MYOZ3: variants seen among roughly 807,000 people sequenced by gnomAD.
MYOZ3 encodes the protein myozenin-3.
Under a neutral mutation model 26.5 loss-of-function variants are expected in MYOZ3, and 19 were observed. The ratio of observed to expected loss-of-function variants is 0.72; its 90% CI spans 0.50 to 1.05. The LOEUF is 1.05. Among genes scored for constraint, MYOZ3 ranks in the 50% least tolerant of loss-of-function variants. The pLI, the probability that MYOZ3 is intolerant of heterozygous loss-of-function variation, is 0.00. For missense variants in MYOZ3, 322 were observed against 337.1 expected, an observed-to-expected ratio of 0.96 and a Z score of 0.35; for synonymous variants, 135 against 138.8, an observed-to-expected ratio of 0.97 and a Z score of 0.19.
chr5:150,676,713 G>A lies in MYOZ3; in HGVS notation c.594G>A (p.Pro198=), dbSNP rs754979895. The A allele has an allele frequency of 7.4e-6, 12 of 1,613,670 alleles. No individual in the cohort carries two copies. The highest frequency in any genetic ancestry group is 1.7e-5 in the Admixed American group (1 of 59,976). Residue 198 remains proline (P), a synonymous_variant, in exon 7 of 7, where the codon CCG becomes CCA. Coordinates refer to ENST00000517768, the MANE Select transcript of MYOZ3 (RefSeq NM_001122853.3). ...PNDYRNFNKT[P]VPFGGPLVGG... ...TGCTGCTCTCTTTCTCCAGGACCCC[G>A]GTGCCATTTGGAGGACCCCTCGTGG...
chr5:150,674,712 AATTAAGAAACAGT>A (rs1246482376), intron 6 of MYOZ3, among the ~76,000 whole-genome samples: 1 of 152,212 alleles, frequency 6.6e-6, no homozygotes, highest in African/African-American at 2.4e-5. Flanking sequence ...TTTTTCTTAA[AATTAAGAAACAGT>A]ATTAAGGCCG....
rs147827463 is a variant in MYOZ3 at position 150,662,985 on chromosome 5, G to T, written c.44G>T (p.Gly15Val). 1 of 1,611,990 alleles carries T rather than the reference G, an allele frequency of 6.2e-7. No homozygotes were observed. The highest frequency in any genetic ancestry group is 1.1e-5 in the South Asian group (1 of 90,640). Residue 15 changes from glycine to valine, a missense_variant, in exon 2 of 7, where the codon GGG (glycine) becomes GTG (valine). Transcript: ENST00000517768. ...EQKGPVMAAM[G>V]DLTEPVPTLD... is the part of the protein sequence containing the mutation. ...AAGGGGCCAGTGATGGCTGCCATGG[G>T]GGACCTCACTGAACCAGGTAAGGTG...
At chr5:150,674,369 C>T (rs1475777103) in intron 6 of MYOZ3, among the ~76,000 whole-genome samples, 2 of 152,228 alleles carry the variant, frequency 1.3e-5, no homozygotes, top group Non-Finnish European at 2.9e-5. Context: ...TCTTAGGGAG[C>T]CCTGCATCCA....
At position 150,670,466 on chromosome 5, in the gene MYOZ3, T is replaced by C; in HGVS notation, c.62-18T>C. The stretch of plus-strand genomic sequence containing the variant: ...GGGGGATGGGGTGGTGAGAGCCCGC[T>C]CTGGCCTTTCCTGGCAGTCCCTACG... On this transcript the variant is annotated intron_variant, in intron 2 of 6. Coordinates refer to ENST00000517768, the MANE Select transcript of MYOZ3 (RefSeq NM_001122853.3). 6.3e-7 allele frequency: 1 copy of C among 1,598,398 alleles called. No homozygotes were observed. The highest frequency in any genetic ancestry group is 8.5e-7 in the Non-Finnish European group (1 of 1,171,074).
At chr5:150,665,040 A>G (rs559038380) in intron 2 of MYOZ3, among the ~76,000 whole-genome samples, 1 of 150,384 alleles carries the variant, frequency 6.6e-6, no homozygotes, top group South Asian at 2.1e-4. Context: ...TTCATTTAGC[A>G]GCATTCCATC....
intron 3 of MYOZ3, chr5:150,670,946 C>T (rs1758897157): frequency 5.1e-6 from 1 of 197,918 alleles, no homozygotes; most frequent in Admixed American, 6.1e-5. Context: ...AAATTTGCAG[C>T]AGGCTGGATC....
chr5:150,662,888 C>A, intron 1 of MYOZ3, 53 bp from the exon 2 acceptor site: 2 of 1,519,692 alleles, frequency 1.3e-6, no homozygotes, highest in Non-Finnish European at 1.8e-6. Context: ...GGAAGGAGGT[C>A]TGGGGAGAAA....
intron 2 of MYOZ3, among the ~76,000 whole-genome samples, chr5:150,666,628 A>ATATATATATATATATATATAT (rs1308366694): frequency 1.5e-5 from 2 of 133,158 alleles, no homozygotes; most frequent in African/African-American, 6.0e-5. Flanking sequence ...AAAAAAAAAA[A>ATATATATATATATATATATAT]AAATATATAT....
intron 2 of MYOZ3, among the ~76,000 whole-genome samples, chr5:150,668,259 C>T (rs867123285): frequency 2.6e-5 from 4 of 152,226 alleles, no homozygotes; most frequent in African/African-American, 9.7e-5. Context: ...CACCCAAACA[C>T]TCCATAGAAA....
Position 150,676,707 on chromosome 5 carries a change from G to C in MYOZ3, c.588G>C (p.Lys196Asn). 6.2e-7 allele frequency: 1 copy of C among 1,613,500 alleles called. No individual in the cohort carries two copies. The highest frequency in any genetic ancestry group is 8.5e-7 in the Non-Finnish European group (1 of 1,179,718). Residue 196 changes from lysine (K) to asparagine (N), a missense_variant and splice_region_variant, in exon 7 of 7, where the codon AAG becomes AAC. Transcript: ENST00000517768. Reference sequence around the variant, plus strand: ...CTCTCCTGCTGCTCTCTTTCTCCAGGACCCCGGTGCCATTTGGAGGACCCC... The same window carrying C: ...CTCTCCTGCTGCTCTCTTTCTCCAGCACCCCGGTGCCATTTGGAGGACCCC... ...PSPNDYRNFN[K>N]TPVPFGGPLV...
At chr5:150,666,922 C>T (rs1252268618) in intron 2 of MYOZ3, among the ~76,000 whole-genome samples, 1 of 151,952 alleles carries the variant, frequency 6.6e-6, no homozygotes. Context: ...CCATGCCTGG[C>T]TAATTTTTGT....
intron 2 of MYOZ3, 69 bp downstream of exon 2, chr5:150,663,071 C>A: frequency 1.5e-6 from 2 of 1,333,616 alleles, no homozygotes; most frequent in Admixed American, 2.1e-5. Context: ...TGCACTCACT[C>A]TGGCCTGCTG....
Position 150,671,874 on chromosome 5 carries a change from T to A in MYOZ3, c.390T>A (p.Ala130=). ...PEGAHPAAAP[A]GCVPSPSALA... The stretch of plus-strand genomic sequence containing the variant: ...GCGCCCACCCTGCAGCCGCCCCTGC[T>A]GGGTGCGTCCCCAGCCCCAGCGCCC... Residue 130 remains alanine (A), a synonymous_variant, in exon 5 of 7, where the codon GCT becomes GCA. Coordinates refer to ENST00000517768, the MANE Select transcript of MYOZ3 (RefSeq NM_001122853.3). 1 of 1,587,774 alleles carries A rather than the reference T, an allele frequency of 6.3e-7. No individual in the cohort carries two copies. The highest frequency in any genetic ancestry group is 8.5e-7 in the Non-Finnish European group (1 of 1,170,482).
Position 150,676,912 on chromosome 5 carries a change from C to A in MYOZ3, c.*37C>A. The A allele has an allele frequency of 6.3e-7, 1 of 1,575,018 alleles. No individual in the cohort carries two copies. Among genetic ancestry groups the A allele is most frequent in the South Asian group, 1.1e-5 (1 of 90,266 alleles). On this transcript the variant is annotated 3_prime_UTR_variant, in exon 7 of 7. Coordinates refer to ENST00000517768, the MANE Select transcript of MYOZ3 (RefSeq NM_001122853.3). ...ATCTTCAGTTCCCCAGTCTCGGGGG[C>A]CTGGTAACATCCGGAGCCAAGACTT...
rs534647922 is a variant in MYOZ3 at position 150,676,605 on chromosome 5, C to G, written c.588-102C>G. 6 of 1,006,304 alleles carry G rather than the reference C, an allele frequency of 6.0e-6. No homozygotes were observed. The East Asian group carries it at 1.1e-4, about 18-fold the overall frequency. The allele number at this position is 1,006,304 out of a possible 1,614,324, so 62.3% of individuals were successfully genotyped here. On this transcript the variant is annotated intron_variant, in intron 6 of 6. Transcript: ENST00000517768. Reference sequence around the variant, plus strand: ...CTGTATAGAAGGGAAAACTGAGGCTCAGAGAGCGGCAGGGAGGGGCCCATA... The same window carrying G: ...CTGTATAGAAGGGAAAACTGAGGCTGAGAGAGCGGCAGGGAGGGGCCCATA...
chr5:150,662,391 G>A (rs983619020), intron 1 of MYOZ3, among the ~76,000 whole-genome samples: 8 of 152,148 alleles, frequency 5.3e-5, no homozygotes, highest in Non-Finnish European at 7.3e-5. Flanking sequence ...GGGAGGACGG[G>A]GGATGGTTCT....
At chr5:150,664,214 T>C (rs1758775903) in intron 2 of MYOZ3, among the ~76,000 whole-genome samples, 1 of 152,136 alleles carries the variant, frequency 6.6e-6, no homozygotes, top group African/African-American at 2.4e-5. Context: ...GGCATCCTTT[T>C]AACCTATTTT....
At chr5:150,671,412 A>G (rs1758906947) in intron 3 of MYOZ3, 185 bp from the exon 4 acceptor site, 2 of 628,960 alleles carry the variant, frequency 3.2e-6, no homozygotes, top group Non-Finnish European at 2.8e-6. Context: ...CAATTAACAT[A>G]TATCGAGTAT....
Position 150,661,770 on chromosome 5 carries a change from A to G in MYOZ3, c.-2+343A>G, listed in dbSNP as rs568048525. Among the ~76,000 whole-genome samples, 4 of 152,320 alleles carry G rather than the reference A, an allele frequency of 2.6e-5. No individual in the cohort carries two copies. The South Asian group carries it at 8.3e-4, about 32-fold the overall frequency. On this transcript the variant is annotated intron_variant, in intron 1 of 6. Coordinates refer to ENST00000517768, the MANE Select transcript of MYOZ3 (RefSeq NM_001122853.3). ...TTCTGTAAAGGGAGTGTTTATCAAGAAACAGATCTGTGGACTGTGGAATCC... is the reference window on the plus strand; with the variant it reads ...TTCTGTAAAGGGAGTGTTTATCAAGGAACAGATCTGTGGACTGTGGAATCC...
Sources: gnomAD v4.1 joint callset for allele counts (sites outside exome capture counted in the v4.1 genomes callset) on GRCh38, gnomAD v4.1.1 for gene constraint, MANE v1.5 for transcripts, NCBI Gene and HGNC (gene_info 2026-07-23, HGNC 2026-07-21) for gene names.